SUSD5: variants seen among roughly 807,000 people sequenced by gnomAD.
SUSD5 encodes sushi domain containing 5.
SUSD5 carries 33 observed loss-of-function variants against 29.5 expected under a neutral mutation model. The observed-to-expected ratio is 1.12, with a 90% confidence interval of 0.85 to 1.49. The LOEUF is 1.49. Among genes scored for constraint, SUSD5 ranks in the 40% most tolerant of loss-of-function variants. SUSD5 has a pLI of 0.00. For synonymous variants in SUSD5, 308 were observed against 325.3 expected (o/e 0.95, Z 0.57); for missense variants, 776 against 800.6 (o/e 0.97, Z 0.37).
At position 33,153,626 on chromosome 3, in the gene SUSD5, T is replaced by C. The variant is rs1371724588; in HGVS notation, c.1006A>G (p.Thr336Ala). The change falls in exon 5 of 5, where the codon ACC becomes GCC. Residue 336 changes from threonine to alanine, a missense_variant. Thr to Ala is a moderately conservative substitution (Grantham distance 58). Transcript: ENST00000309558. Reference protein sequence around the residue: ...GVKLVPGEPETKVIYGNTDGP... With the variant: ...GVKLVPGEPEAKVIYGNTDGP... ...TCAGTGTTGCCGTAGATCACCTTGG[T>C]TTCAGGTTCACCTGGGACCAATTTT... The C allele has an allele frequency of 1.2e-6, 2 of 1,613,992 alleles. No homozygotes were observed. The highest frequency in any genetic ancestry group is 1.7e-5 in the Admixed American group (1 of 60,026).
chr3:33,171,063 C>T (rs894819861), intron 4 of SUSD5, among the ~76,000 whole-genome samples: 12 of 152,172 alleles, frequency 7.9e-5, no homozygotes, highest in African/African-American at 1.7e-4. Context: ...TACTATGGGC[C>T]GGGTGCAGTG....
intron 3 of SUSD5, among the ~76,000 whole-genome samples, chr3:33,201,007 A>T (rs550866728): frequency 2.5e-4 from 38 of 152,350 alleles, no homozygotes; most frequent in African/African-American, 7.9e-4. Flanking sequence ...AACCAGAACT[A>T]AAAAATTTGG....
chr3:33,210,017 G>A (rs572340907), intron 2 of SUSD5, among the ~76,000 whole-genome samples: 2 of 152,246 alleles, frequency 1.3e-5, no homozygotes, highest in African/African-American at 4.8e-5. Context: ...AATGTCTGGA[G>A]TTTCTATTAC....
intron 3 of SUSD5, among the ~76,000 whole-genome samples, chr3:33,178,440 T>TTG (rs199918009): frequency 0.13 from 19,277 of 149,966 alleles, 1,493 homozygotes; most frequent in South Asian, 0.25. Context: ...CTGTAGTTTT[T>TTG]TTTTTGTTGT....
intron 3 of SUSD5, among the ~76,000 whole-genome samples, chr3:33,205,546 C>T (rs1376388784): frequency 6.6e-6 from 1 of 152,182 alleles, no homozygotes; most frequent in African/African-American, 2.4e-5. Context: ...ACTATCATGA[C>T]ATTGACTTTG....
rs141864716 is a variant in SUSD5 at position 33,207,633 on chromosome 3, C to A, written c.409+175G>T. The stretch of plus-strand genomic sequence containing the variant: ...TTAATATTGCACCGATGCTTGACCC[C>A]CTTCCTCATCTTGTCCACTTCCCCA... On this transcript the variant is annotated intron_variant, in intron 3 of 4. Coordinates refer to ENST00000309558, the MANE Select transcript of SUSD5 (RefSeq NM_015551.2). 7.7e-4 allele frequency among the ~76,000 whole-genome samples: 117 copies of A among 152,292 alleles called. 2 individuals carry two copies. Among genetic ancestry groups the A allele is most frequent in the African/African-American group, 2.7e-3 (111 of 41,564 alleles).
Position 33,204,390 on chromosome 3 carries a change from G to A in SUSD5, c.409+3418C>T, listed in dbSNP as rs1053958641. Among the ~76,000 whole-genome samples, 4 of 151,572 alleles carry A rather than the reference G, an allele frequency of 2.6e-5. No homozygotes were observed. Among genetic ancestry groups the A allele is most frequent in the African/African-American group, 7.3e-5 (3 of 41,196 alleles). On this transcript the variant is annotated intron_variant, in intron 3 of 4. Coordinates refer to ENST00000309558, the MANE Select transcript of SUSD5 (RefSeq NM_015551.2). The surrounding 1 kb of genome is among the most constrained non-coding windows in gnomAD (Gnocchi z 4.5). ...GGGTGGAGTGCAGTGGTGCGATCTC[G>A]GCTCACTGCAAGCTCCGCCTCCCAA...
intron 1 of SUSD5, among the ~76,000 whole-genome samples, chr3:33,215,321 T>C (rs2032408491): frequency 6.6e-6 from 1 of 152,106 alleles, no homozygotes. Flanking sequence ...AACTACAGAA[T>C]ACACATTCAT....
chr3:33,209,574 T>G (rs1478588897), intron 2 of SUSD5, among the ~76,000 whole-genome samples: 1 of 151,910 alleles, frequency 6.6e-6, no homozygotes, highest in East Asian at 1.9e-4. Context: ...CTTTTCTTTC[T>G]TTCTTTCCTT....
At chr3:33,169,283 C>T (rs973962486) in intron 4 of SUSD5, among the ~76,000 whole-genome samples, 1 of 152,058 alleles carries the variant, frequency 6.6e-6, no homozygotes. Flanking sequence ...CACAATGGCA[C>T]AATCTCAGCT....
intron 3 of SUSD5, among the ~76,000 whole-genome samples, chr3:33,178,350 A>G (rs1013518322): frequency 2.0e-5 from 3 of 152,142 alleles, no homozygotes; most frequent in African/African-American, 7.2e-5. Context: ...TGGTGTACAA[A>G]TCTTTGTATA....
chr3:33,178,846 T>C (rs767017227), intron 3 of SUSD5, among the ~76,000 whole-genome samples: 1 of 152,214 alleles, frequency 6.6e-6, no homozygotes, highest in Non-Finnish European at 1.5e-5. Flanking sequence ...CTGGAAAAGA[T>C]TGTAGAAAAT....
At chr3:33,216,248 A>G (rs995418451) in intron 1 of SUSD5, among the ~76,000 whole-genome samples, 19 of 152,176 alleles carry the variant, frequency 1.2e-4, no homozygotes, top group African/African-American at 4.3e-4. Flanking sequence ...TGGGGGAAAA[A>G]CTTTAAAAAA....
chr3:33,174,853 C>G (rs747020140), intron 4 of SUSD5, 33 bp downstream of exon 4: 2 of 1,608,710 alleles, frequency 1.2e-6, no homozygotes, highest in African/African-American at 2.7e-5. Flanking sequence ...ACTGCGTGGG[C>G]ACGCGAAGGT....
In SUSD5 at chr3:33,210,796, ATAAAT is replaced by A. The variant is rs535550714; in HGVS notation, c.291-2875_291-2871del. 9.0e-4 allele frequency among the ~76,000 whole-genome samples: 137 copies of A among 152,368 alleles called. 1 individual carries two copies. Among genetic ancestry groups the A allele is most frequent in the Middle Eastern group, 6.8e-3 (2 of 294 alleles). On this transcript the variant is annotated intron_variant, in intron 2 of 4. Transcript: ENST00000309558. ...AAAAGAGAATAATATGTTTTAAAAA[ATAAAT>A]TAAAAAGGGATAGAAAAACTATTTT...
chr3:33,191,693 C>T (rs146295982), intron 3 of SUSD5, among the ~76,000 whole-genome samples: 1 of 152,154 alleles, frequency 6.6e-6, no homozygotes, highest in East Asian at 1.9e-4. Context: ...TCCTGTAATC[C>T]CAGCACTTTG....
At chr3:33,177,009 T>C (rs2125621504) in intron 3 of SUSD5, among the ~76,000 whole-genome samples, 1 of 152,354 alleles carries the variant, frequency 6.6e-6, no homozygotes, top group East Asian at 1.9e-4. Context: ...ATAGATGTCT[T>C]CAGGTCCAAC....
chr3:33,172,962 C>A (rs1332581066), intron 4 of SUSD5, among the ~76,000 whole-genome samples: 1 of 152,132 alleles, frequency 6.6e-6, no homozygotes, highest in Non-Finnish European at 1.5e-5. Flanking sequence ...CATTAAAAGA[C>A]ACTGTGAGTT....
At chr3:33,180,054 C>T (rs1032087634) in intron 3 of SUSD5, among the ~76,000 whole-genome samples, 1 of 152,174 alleles carries the variant, frequency 6.6e-6, no homozygotes, top group Non-Finnish European at 1.5e-5. Context: ...AATAATGATA[C>T]TAAATGACTA....
Sources: gnomAD v4.1 joint callset for allele counts (sites outside exome capture counted in the v4.1 genomes callset) on GRCh38, gnomAD v4.1.1 for gene constraint, Gnocchi (gnomAD v3.1) non-coding constraint, MANE v1.5 for transcripts, NCBI Gene and HGNC (gene_info 2026-07-23, HGNC 2026-07-21) for gene names.